Variants in NUP214 observed in about 807,000 individuals in gnomAD.
The protein encoded by NUP214 is nuclear pore complex protein Nup214.
A neutral mutation model predicts 196.2 loss-of-function variants in NUP214; 79 were observed. The ratio of observed to expected loss-of-function variants is 0.40; its 90% CI spans 0.34 to 0.49. The LOEUF (loss-of-function observed/expected upper bound fraction) is 0.49, where lower values mean the gene tolerates loss of function less well. NUP214 is among the 20% of genes least tolerant of loss of function. The pLI is 0.58. For synonymous variants in NUP214, 1,020 were observed against 990.5 expected (o/e 1.03, Z -0.56); for missense variants, 2,468 against 2,539.0 (o/e 0.97, Z 0.60).
chr9:131,129,430 C>T lies in NUP214; in HGVS notation c.545C>T (p.Thr182Ile), dbSNP rs559106334. ...GSIAVLQVTE[T>I]VKVCATLPST... ...ATTGCTGTCCTGCAAGTCACGGAAA[C>T]AGTGAAAGTATGTGCAACTCTTCCT... The change falls in exon 4 of 36, where the codon ACA becomes ATA. Residue 182 changes from threonine (T) to isoleucine (I), a missense_variant. Around this residue, in one of 5 missense-constraint regions of NUP214, gnomAD observed 392 missense variants for 417.9 expected, o/e 0.94. Transcript: ENST00000359428. 5 of 1,614,188 alleles carry T rather than the reference C, an allele frequency of 3.1e-6. No homozygotes were observed. Among genetic ancestry groups the T allele is most frequent in the Admixed American group, 1.7e-5 (1 of 60,026 alleles).
chr9:131,172,933 A>G (rs1375893212), intron 21 of NUP214, among the ~76,000 whole-genome samples: 2 of 152,230 alleles, frequency 1.3e-5, no homozygotes, highest in East Asian at 3.8e-4. Flanking sequence ...TCCAATATAC[A>G]GGAAGTATTC....
At chr9:131,185,940 T>A (rs560399857) in intron 24 of NUP214, among the ~76,000 whole-genome samples, 1 of 152,204 alleles carries the variant, frequency 6.6e-6, no homozygotes, top group Non-Finnish European at 1.5e-5. Flanking sequence ...CTGTAAAAAA[T>A]TTTCTAAAAT....
chr9:131,169,120 C>G (rs1030301274), intron 21 of NUP214, among the ~76,000 whole-genome samples: 7 of 146,844 alleles, frequency 4.8e-5, no homozygotes, highest in Non-Finnish European at 1.0e-4. Context: ...GCAACCTCTG[C>G]CTCCTGGGTT....
chr9:131,143,640 C>T (rs1315398363), intron 11 of NUP214, among the ~76,000 whole-genome samples: 1 of 151,780 alleles, frequency 6.6e-6, no homozygotes, highest in African/African-American at 2.4e-5. Flanking sequence ...GTTAGTTTCC[C>T]TGTTTATTAG....
chr9:131,212,094 G>A (rs1300070801), intron 30 of NUP214, among the ~76,000 whole-genome samples: 1 of 152,220 alleles, frequency 6.6e-6, no homozygotes, highest in African/African-American at 2.4e-5. Context: ...CACTCTAGGA[G>A]TGTCTGTCTT....
chr9:131,181,599 CT>C (rs1296240919), intron 24 of NUP214, among the ~76,000 whole-genome samples: 1 of 152,192 alleles, frequency 6.6e-6, no homozygotes, highest in Non-Finnish European at 1.5e-5. Context: ...TATTGAGCAT[CT>C]TTTCACGTGC....
rs1458660450 is a variant in NUP214, at chr9:131,195,290, A to G, written c.3717A>G (p.Ala1239=). ...TPTPSSNFTA[A]QGATPSTKES... Reference sequence around the variant, plus strand: ...CACCGTCTTCTAATTTCACTGCTGCACAAGGTACAGACTCTGTGTTGAGTA... The same window carrying G: ...CACCGTCTTCTAATTTCACTGCTGCGCAAGGTACAGACTCTGTGTTGAGTA... Residue 1239 remains alanine, a synonymous_variant, in exon 28 of 36, where the codon GCA becomes GCG. Coordinates refer to ENST00000359428, the MANE Select transcript of NUP214 (RefSeq NM_005085.4). 1 of 1,612,570 alleles carries G rather than the reference A, an allele frequency of 6.2e-7. No homozygotes were observed. The highest frequency in any genetic ancestry group is 1.7e-5 in the Admixed American group (1 of 60,014).
chr9:131,170,655 T>C (rs1832929864), intron 21 of NUP214, among the ~76,000 whole-genome samples: 1 of 152,206 alleles, frequency 6.6e-6, no homozygotes, highest in Non-Finnish European at 1.5e-5. Flanking sequence ...TATGTGTATT[T>C]ACTTACAGCC....
rs1832781180 is a variant in NUP214, at chr9:131,166,132, T to C, written c.2893+1988T>C. 2.6e-5 allele frequency among the ~76,000 whole-genome samples: 4 copies of C among 152,372 alleles called. No homozygotes were observed. The South Asian group carries it at 8.3e-4, about 32-fold the overall frequency. The stretch of plus-strand genomic sequence containing the variant: ...AAATTTTATGTTACATTTTACCAAA[T>C]TTTAAAAATTGGAAAAAAGATTTAA... On this transcript the variant is annotated intron_variant, in intron 21 of 35. Transcript: ENST00000359428.
intron 30 of NUP214, among the ~76,000 whole-genome samples, chr9:131,210,988 A>G (rs1253282076): frequency 6.6e-6 from 1 of 152,244 alleles, no homozygotes; most frequent in Non-Finnish European, 1.5e-5. Flanking sequence ...AATACATCCC[A>G]TATTCATGGA....
rs755683521 is a variant in NUP214, at chr9:131,229,874, T to G, written c.6075-756T>G. Reference sequence around the variant, plus strand: ...GAGTTTTAGATACTTTTTCTTGCTTTGGGGTTGATTCTTGCCCCCAGGTGC... The same window carrying G: ...GAGTTTTAGATACTTTTTCTTGCTTGGGGGTTGATTCTTGCCCCCAGGTGC... On this transcript the variant is annotated intron_variant, in intron 33 of 35. Coordinates refer to ENST00000359428, the MANE Select transcript of NUP214 (RefSeq NM_005085.4). 1.4e-5 allele frequency: 6 copies of G among 440,224 alleles called. No individual in the cohort carries two copies. The East Asian group carries it at 3.8e-4, about 28-fold the overall frequency. 27.3% of individuals were successfully genotyped at this position (440,224 alleles called of 1,614,324 possible). A position where few individuals can be genotyped will look rare whatever the true frequency, so the allele number is the denominator to read the frequency against.
intron 32 of NUP214, among the ~76,000 whole-genome samples, chr9:131,223,725 TTA>T (rs1251789661): frequency 2.4e-3 from 48 of 20,080 alleles, no homozygotes; most frequent in African/African-American, 5.0e-3. Flanking sequence ...ATTTATTTAT[TTA>T]TTTTTTTTTT....
chr9:131,228,297 G>T lies in NUP214; in HGVS notation c.6040G>T (p.Glu2014Ter). 6.2e-7 allele frequency: 1 copy of T among 1,602,468 alleles called. No individual in the cohort carries two copies. Among genetic ancestry groups the T allele is most frequent in the Non-Finnish European group, 8.5e-7 (1 of 1,175,934 alleles). ...CTCGACGGGAGGCAAAGTGTTCGGA[G>T]AGGGCACTGCAGCTGCCAGCGCAGG... The part of the protein sequence containing the change: ...LGSTGGKVFG[E>*]GTAAASAGGF... The change falls in exon 33 of 36, where the codon GAG becomes TAG. Residue 2014 changes from glutamate to a stop codon, truncating the protein, a stop_gained. Coordinates refer to ENST00000359428, the MANE Select transcript of NUP214 (RefSeq NM_005085.4). LOFTEE classifies it high-confidence loss of function.
chr9:131,207,407 G>T (rs1188045633), intron 30 of NUP214, among the ~76,000 whole-genome samples: 1 of 152,212 alleles, frequency 6.6e-6, no homozygotes, highest in African/African-American at 2.4e-5. Context: ...TGGTTGGCTT[G>T]GCTGTTGGCT....
chr9:131,222,558 T>C, intron 31 of NUP214: 1 of 432,878 alleles, frequency 2.3e-6, no homozygotes, highest in Non-Finnish European at 4.1e-6. Flanking sequence ...TGCCAGGAAA[T>C]CCTGAGCCTG....
chr9:131,215,753 G>A (rs1407814595), intron 31 of NUP214, among the ~76,000 whole-genome samples: 1 of 152,074 alleles, frequency 6.6e-6, no homozygotes, highest in Admixed American at 6.5e-5. Flanking sequence ...ACTTTCATTT[G>A]GATAGTACTC....
At chr9:131,184,034 T>TTTTTTTTTTTTTTTTTTTTTTTTTC (rs1833376328) in intron 24 of NUP214, among the ~76,000 whole-genome samples, 1 of 139,390 alleles carries the variant, frequency 7.2e-6, no homozygotes, top group Non-Finnish European at 1.6e-5. Flanking sequence ...TTCTTTTTTT[T>TTTTTTTTTTTTTTTTTTTTTTTTTC]TTTTTTTTTT....
chr9:131,125,848 G>A lies in NUP214; in HGVS notation c.45+99G>A, dbSNP rs977407575. The A allele has an allele frequency of 7.7e-5, 107 of 1,389,488 alleles. No individual in the cohort carries two copies. The highest frequency in any genetic ancestry group is 1.5e-5 in the Non-Finnish European group (15 of 1,010,816). 86.1% of individuals were successfully genotyped at this position (1,389,488 alleles called of 1,614,324 possible). On this transcript the variant is annotated intron_variant, in intron 1 of 35. Transcript: ENST00000359428. The surrounding 1 kb of genome is among the most constrained non-coding windows in gnomAD (Gnocchi z 4.1). ...CGCGGTGCTGGCTGTCCCGCCTCCT[G>A]CTTGAACAGTTTACCGCGTTCACAG...
At chr9:131,160,873 G>A (rs1020370808) in intron 18 of NUP214, among the ~76,000 whole-genome samples, 20 of 152,176 alleles carry the variant, frequency 1.3e-4, no homozygotes, top group Non-Finnish European at 2.8e-4. Flanking sequence ...GTGGCCTGTG[G>A]ACTGGAGCAC....
Sources: gnomAD v4.1 joint callset for allele counts (sites outside exome capture counted in the v4.1 genomes callset) on GRCh38, gnomAD v4.1.1 for gene constraint, gnomAD v4.1.1 regional missense constraint, Gnocchi (gnomAD v3.1) non-coding constraint, MANE v1.5 for transcripts, NCBI Gene and HGNC (gene_info 2026-07-23, HGNC 2026-07-21) for gene names.